The following CFAP74 variants were observed in gnomAD, a reference collection of about 807,000 sequenced individuals.
The protein encoded by CFAP74 is cilia- and flagella-associated protein 74.
In CFAP74, 124 loss-of-function variants were observed where a neutral mutation model predicts 188.9. The ratio of observed to expected loss-of-function variants is 0.66; its 90% confidence interval spans 0.57 to 0.76. The LOEUF (loss-of-function observed/expected upper bound fraction) is 0.76, where lower values mean the gene tolerates loss of function less well. Ranked by LOEUF, CFAP74 falls within the 30% of genes least tolerant of loss-of-function variation. CFAP74 has a pLI of 0.00. For missense variants in CFAP74, 2,198 were observed against 2,165.2 expected (o/e 1.02, Z -0.30); for synonymous variants, 956 against 916.7 (o/e 1.04, Z -0.77).
At chr1:1,954,214 G>A (rs1654381387) in intron 18 of CFAP74, 1 of 152,308 alleles carries the variant, frequency 6.6e-6, no homozygotes, top group Admixed American at 6.5e-5. Flanking sequence ...TCCTGCGGAT[G>A]TGAAGCAAGG....
intron 6 of CFAP74, among the ~76,000 whole-genome samples, chr1:1,982,009 A>G (rs1157992460): frequency 1.3e-4 from 17 of 127,738 alleles, no homozygotes; most frequent in South Asian, 2.7e-4. Context: ...GTGGACAGAC[A>G]CGGGGACACG....
Position 1,923,676 on chromosome 1 carries a change from TACCCTCAGGGC to T in CFAP74, c.4389+88_4389+98del. 6.4e-7 allele frequency: 1 copy of T among 1,568,580 alleles called. No homozygotes were observed. Among genetic ancestry groups the T allele is most frequent in the Non-Finnish European group, 8.7e-7 (1 of 1,143,734 alleles). The stretch of plus-strand genomic sequence containing the variant: ...GTGGTGCTGAGTCCCCCAGCCATGG[TACCCTCAGGGC>T]CTCCAAAGTGGAGCAGTGCAGCCAA... On this transcript the variant is annotated intron_variant, in intron 35 of 38. Transcript: ENST00000682832. This position sits in a 1 kb window ranked among gnomAD's most constrained non-coding sequence, Gnocchi z 6.3.
chr1:1,947,083 G>T, intron 18 of CFAP74, 29 bp from the exon 19 acceptor site: 1 of 1,505,128 alleles, frequency 6.6e-7, no homozygotes. Flanking sequence ...CCAGAGGTGA[G>T]GGTTGGCAGG....
intron 1 of CFAP74, among the ~76,000 whole-genome samples, chr1:1,999,251 GC>G (rs1483351416): frequency 6.6e-6 from 1 of 152,164 alleles, no homozygotes; most frequent in African/African-American, 2.4e-5. Context: ...CCAGAAACAG[GC>G]CCCCACGTAC....
chr1:1,991,757 T>A (rs578119711), intron 1 of CFAP74, among the ~76,000 whole-genome samples: 3 of 152,084 alleles, frequency 2.0e-5, no homozygotes, highest in Non-Finnish European at 2.9e-5. Context: ...TGCCTGAGAT[T>A]GGCTGGGCGT....
intron 18 of CFAP74, chr1:1,953,181 G>A (rs1654306938): frequency 3.3e-5 from 5 of 152,102 alleles, no homozygotes; most frequent in Admixed American, 3.3e-4. Flanking sequence ...GGCTTTGTCT[G>A]AGTCCATGAT....
In CFAP74 at chr1:1,939,657, C is replaced by T. The variant is rs569766365; in HGVS notation, c.2814G>A (p.Thr938=). ...GCGAGTGGTTGTGGAGGCTGATTTC[C>T]GTCCTGATGGCCTCATAGATGGTGC... ...GYCTIYEAIR[T]EISLHNHSLL... is the part of the protein sequence containing the mutation. Residue 938 remains threonine (T), a synonymous_variant, in exon 24 of 39, where the codon ACG becomes ACA. Coordinates refer to ENST00000682832, the MANE Select transcript of CFAP74 (RefSeq NM_001304360.2). The T allele has an allele frequency of 1.4e-5, 21 of 1,536,084 alleles. No homozygotes were observed. The highest frequency in any genetic ancestry group is 1.4e-4 in the African/African-American group (10 of 73,156).
In CFAP74 at chr1:1,923,009, C is replaced by T; in HGVS notation, c.4659G>A (p.Arg1553=). 1.9e-6 allele frequency: 3 copies of T among 1,591,192 alleles called. 1 individual carries two copies. In the South Asian group the frequency reaches 3.4e-5, roughly 18 times the overall value. The change falls in exon 37 of 39, where the codon CGG becomes CGA. Residue 1553 remains arginine (R), a synonymous_variant. Coordinates refer to ENST00000682832, the MANE Select transcript of CFAP74 (RefSeq NM_001304360.2). This position sits in a 1 kb window ranked among gnomAD's most constrained non-coding sequence, Gnocchi z 6.3. The part of the protein sequence containing the change: ...ATRELQVGCI[R]TTQPSPKKTV... The stretch of plus-strand genomic sequence containing the variant: ...CCTTCTTTGGAGATGGCTGGGTGGT[C>T]CGGATACAGCCCACCTGCAGCTCTC...
In CFAP74 at chr1:1,985,134, GA is replaced by G. The variant is rs563885929; in HGVS notation, c.500+251del. 1.2e-4 allele frequency: 55 copies of G among 446,900 alleles called. No homozygotes were observed. In the South Asian group the frequency reaches 2.0e-3, roughly 16 times the overall value. 27.7% of individuals were successfully genotyped at this position (446,900 alleles called of 1,614,324 possible). A position where few individuals can be genotyped will look rare whatever the true frequency, so the allele number is the denominator to read the frequency against. On this transcript the variant is annotated intron_variant, in intron 6 of 38. Coordinates refer to ENST00000682832, the MANE Select transcript of CFAP74 (RefSeq NM_001304360.2). ...TGTTCTGTGGAAGCACAAAGCATGAGAAACGAGGAAAGAGGAAAAAGAACCT... is the reference window on the plus strand; with the variant it reads ...TGTTCTGTGGAAGCACAAAGCATGAGAACGAGGAAAGAGGAAAAAGAACCT...
At chr1:1,938,049 C>G (rs1475185757) in intron 25 of CFAP74, among the ~76,000 whole-genome samples, 4 of 104,054 alleles carry the variant, frequency 3.8e-5, no homozygotes, top group Non-Finnish European at 8.5e-5. Flanking sequence ...CATACATGCA[C>G]TCACACTCAA....
At chr1:1,940,968 C>T (rs1570866289) in intron 22 of CFAP74, among the ~76,000 whole-genome samples, 1 of 152,010 alleles carries the variant, frequency 6.6e-6, no homozygotes, top group African/African-American at 2.4e-5. Flanking sequence ...AAAAAATTAG[C>T]CGGGCGTGGT....
intron 18 of CFAP74, chr1:1,955,258 GCTGC>G (rs1654508469): frequency 7.7e-7 from 1 of 1,292,696 alleles, no homozygotes. Flanking sequence ...ATGGCGGCGG[GCTGC>G]AGGGCAGGAG....
chr1:1,993,913 C>A (rs369257389), intron 1 of CFAP74, among the ~76,000 whole-genome samples: 3 of 149,760 alleles, frequency 2.0e-5, no homozygotes, highest in South Asian at 4.2e-4. Flanking sequence ...ACCCGGGAGG[C>A]GGAGCTTGCA....
Position 1,930,329 on chromosome 1 carries a change from T to G in CFAP74, c.3019A>C (p.Lys1007Gln). 1 of 1,521,244 alleles carries G rather than the reference T, an allele frequency of 6.6e-7. No individual in the cohort carries two copies. Among genetic ancestry groups the G allele is most frequent in the Non-Finnish European group, 8.8e-7 (1 of 1,135,712 alleles). The allele number at this position is 1,521,244 out of a possible 1,614,324, so 94.2% of individuals were successfully genotyped here. The change falls in exon 26 of 39, where the codon AAG (lysine) becomes CAG (glutamine). Residue 1007 changes from lysine (K) to glutamine (Q), a missense_variant. By Grantham distance (53) the Lys-to-Gln change is moderately conservative (BLOSUM62 1). Transcript: ENST00000682832. ...TCKSEINRCFKLSCRAVGVHP... is the reference protein window; with the variant it reads ...TCKSEINRCFQLSCRAVGVHP... ...ACGCCTACAGCCCGGCAAGACAGCT[T>G]GAAGCACCTGCAAGCAGCAGCATGG...
rs576301457 is a variant in CFAP74 at position 1,998,020 on chromosome 1, A to AT, written c.-20+5680dup. ...GGGCCGGGCGTGGTGGCTCATGCCT[A>AT]TAATCCCAGCACTTTGGGAGGCTGA... is the stretch of plus-strand genomic sequence containing the variant. On this transcript the variant is annotated intron_variant, in intron 1 of 38. Coordinates refer to ENST00000682832, the MANE Select transcript of CFAP74 (RefSeq NM_001304360.2). 2.4e-3 allele frequency among the ~76,000 whole-genome samples: 365 copies of AT among 152,204 alleles called. 2 individuals are homozygous for AT. Among genetic ancestry groups the AT allele is most frequent in the African/African-American group, 8.3e-3 (344 of 41,520 alleles).
intron 25 of CFAP74, among the ~76,000 whole-genome samples, chr1:1,930,619 C>A (rs1235181073): frequency 6.6e-6 from 1 of 152,162 alleles, no homozygotes; most frequent in East Asian, 1.9e-4. Flanking sequence ...TGCAGTGGCA[C>A]TACGACAGCT....
chr1:1,924,367 A>ACCCCCCCCCCCCCCCCCCCCCC, intron 34 of CFAP74, 24 bp downstream of exon 34: 1 of 44,652 alleles, frequency 2.2e-5, no homozygotes. Context: ...GCAGCTCACC[A>ACCCCCCCCCCCCCCCCCCCCCC]CCCACCCCCC....
chr1:1,963,935 C>A (rs1655283143), intron 13 of CFAP74, 68 bp from the exon 14 acceptor site: 2 of 1,031,064 alleles, frequency 1.9e-6, no homozygotes, highest in East Asian at 4.8e-5. Context: ...ACCGAGGCAG[C>A]TTTGCCTCAA....
chr1:1,991,561 C>G (rs1212699421), intron 1 of CFAP74, among the ~76,000 whole-genome samples: 1 of 151,978 alleles, frequency 6.6e-6, no homozygotes, highest in African/African-American at 2.4e-5. Flanking sequence ...CGAGATAGTG[C>G]CACTGCACTC....
Sources: gnomAD v4.1 joint callset for allele counts (sites outside exome capture counted in the v4.1 genomes callset) on GRCh38, gnomAD v4.1.1 for gene constraint, Gnocchi (gnomAD v3.1) non-coding constraint, MANE v1.5 for transcripts, NCBI Gene and HGNC (gene_info 2026-07-23, HGNC 2026-07-21) for gene names.